HOXD3: variants seen among roughly 807,000 people sequenced by gnomAD.
HOXD3 encodes the protein homeobox D3.
HOXD3 carries 13 observed loss-of-function variants against 32.8 expected under a neutral mutation model. The observed-to-expected ratio is 0.40, with a 90% CI of 0.26 to 0.63. HOXD3 has a LOEUF of 0.63. Among genes scored for constraint, HOXD3 ranks in the 20% least tolerant of loss-of-function variants. The pLI, the probability that HOXD3 is intolerant of heterozygous loss-of-function variation, is 0.44. For synonymous variants in HOXD3, 241 were observed against 246.8 expected (o/e 0.98, Z 0.22); for missense variants, 504 against 577.1 (o/e 0.87, Z 1.30).
chr2:176,168,964 G>A (rs1691083373), intron 2 of HOXD3, 67 bp from the exon 3 acceptor site: 1 of 1,252,250 alleles, frequency 8.0e-7, no homozygotes, highest in Non-Finnish European at 1.1e-6. Context: ...GCATGGGCTA[G>A]TCCTTCTATA....
Position 176,172,062 on chromosome 2 carries a change from G to C in HOXD3, c.1087G>C (p.Val363Leu), listed in dbSNP as rs776700722. ...GSPVYVGGNF[V>L]ESMAPASGPV... is the part of the protein sequence containing the mutation. The stretch of plus-strand genomic sequence containing the variant: ...CCCGGTGTACGTGGGCGGCAACTTC[G>C]TCGAGTCCATGGCGCCCGCGTCCGG... Residue 363 changes from valine (V) to leucine (L), a missense_variant, in exon 4 of 4, where the codon GTC (valine) becomes CTC (leucine). By Grantham distance (32) the Val-to-Leu change is conservative. Around this residue, in one of 3 missense-constraint regions of HOXD3, gnomAD observed 226 missense variants for 246.9 expected, o/e 0.92. Coordinates refer to ENST00000683222, the MANE Select transcript of HOXD3 (RefSeq NM_006898.5). 2 of 1,609,926 alleles carry C rather than the reference G, an allele frequency of 1.2e-6. No individual in the cohort carries two copies. Among genetic ancestry groups the C allele is most frequent in the Non-Finnish European group, 1.7e-6 (2 of 1,179,296 alleles).
At chr2:176,153,202 C>T (rs533109082), upstream of HOXD3, 9 of 505,882 alleles carry the variant, frequency 1.8e-5, no homozygotes, top group South Asian at 1.6e-4. Flanking sequence ...AAAATCTTGG[C>T]GAGTCATTAA....
intron 2 of HOXD3, among the ~76,000 whole-genome samples, chr2:176,167,686 CTTTTTTTTTTTTTT>C (rs56761217): frequency 9.2e-6 from 1 of 108,910 alleles, no homozygotes; most frequent in Non-Finnish European, 1.8e-5. Context: ...GGGGGAGACC[CTTTTTTTTTTTTTT>C]TTTTTTTTTT....
At chr2:176,166,462 G>C (rs924688834) in intron 2 of HOXD3, among the ~76,000 whole-genome samples, 1 of 152,194 alleles carries the variant, frequency 6.6e-6, no homozygotes, top group Non-Finnish European at 1.5e-5. Context: ...GGCCTCCAGA[G>C]GGTTAAGACT....
At chr2:176,166,245 A>G (rs749300428) in intron 2 of HOXD3, among the ~76,000 whole-genome samples, 11 of 152,236 alleles carry the variant, frequency 7.2e-5, no homozygotes, top group Admixed American at 1.3e-4. Context: ...GGAATATGCC[A>G]TAGAAGCAAA....
upstream of HOXD3, among the ~76,000 whole-genome samples, chr2:176,157,218 G>A (rs1402936738): frequency 2.6e-5 from 4 of 152,184 alleles, no homozygotes; most frequent in African/African-American, 9.7e-5. Context: ...AATTTTCTAA[G>A]TGCGAGGAAG....
Position 176,172,420 on chromosome 2 carries a change from G to A in HOXD3, c.*146G>A, listed in dbSNP as rs1272873734. On this transcript the variant is annotated 3_prime_UTR_variant, in exon 4 of 4. Coordinates refer to ENST00000683222, the MANE Select transcript of HOXD3 (RefSeq NM_006898.5). ...TCCCGGGTCTCAGGCCTCCAGCGGC[G>A]GAGGCGCAGGCGACCGGGCCTCCCC... 2.6e-6 allele frequency: 2 copies of A among 758,404 alleles called. No homozygotes were observed. Among genetic ancestry groups the A allele is most frequent in the East Asian group, 2.8e-5 (1 of 35,706 alleles). The allele number at this position is 758,404 out of a possible 1,614,324, so 47.0% of individuals were successfully genotyped here. A position where few individuals can be genotyped will look rare whatever the true frequency, so the allele number is the denominator to read the frequency against.
At chr2:176,153,163 T>G (rs1430824380), upstream of HOXD3, 2 of 577,766 alleles carry the variant, frequency 3.5e-6, no homozygotes, top group Non-Finnish European at 6.2e-6. Context: ...TCTCTAAGTA[T>G]ATTATATGGC....
At chr2:176,154,121 T>C (rs1423816220), upstream of HOXD3, among the ~76,000 whole-genome samples, 1 of 152,186 alleles carries the variant, frequency 6.6e-6, no homozygotes, top group Non-Finnish European at 1.5e-5. Context: ...TTAGAGTTTT[T>C]TTCCCCCTGA....
At chr2:176,170,052 C>T (rs761764593) in intron 3 of HOXD3, among the ~76,000 whole-genome samples, 2 of 152,186 alleles carry the variant, frequency 1.3e-5, no homozygotes, top group Admixed American at 6.5e-5. Flanking sequence ...TTCCCTTAAA[C>T]TCATAAAAAC....
In HOXD3 at chr2:176,172,157, G is replaced by A. The variant is rs368978061; in HGVS notation, c.1182G>A (p.Gln394=). 6.2e-7 allele frequency: 1 copy of A among 1,613,136 alleles called. No homozygotes were observed. Among genetic ancestry groups the A allele is most frequent in the African/African-American group, 1.3e-5 (1 of 74,950 alleles). ...SASVDYSCAA[Q]IPGNHHHGPC... ...GCGTGGACTACAGTTGCGCCGCGCA[G>A]ATTCCAGGCAACCACCACCATGGAC... is the stretch of plus-strand genomic sequence containing the variant. Residue 394 remains glutamine (Q), a synonymous_variant, in exon 4 of 4, where the codon CAG becomes CAA. Coordinates refer to ENST00000683222, the MANE Select transcript of HOXD3 (RefSeq NM_006898.5).
Position 176,169,285 on chromosome 2 carries a change from C to T in HOXD3, c.171C>T (p.Ser57=). 6.2e-7 allele frequency: 1 copy of T among 1,614,110 alleles called. No homozygotes were observed. Among genetic ancestry groups the T allele is most frequent in the Non-Finnish European group, 8.5e-7 (1 of 1,180,010 alleles). The change falls in exon 3 of 4, where the codon AGC becomes AGT. Residue 57 remains serine (S), a synonymous_variant. Transcript: ENST00000683222. The part of the protein sequence containing the change: ...HQPYPPPAAA[S]SLDTDYPGSA... ...CCTACCCACCCCCTGCTGCTGCCAG[C>T]TCCCTGGACACTGACTATCCAGGTT...
upstream of HOXD3, chr2:176,152,664 C>G (rs951118096): frequency 9.9e-6 from 16 of 1,614,170 alleles, no homozygotes; most frequent in East Asian, 2.2e-5. The surrounding 1 kb of genome is among the most constrained non-coding windows in gnomAD (Gnocchi z 5.2). Context: ...CTACACCCGG[C>G]AGCAAGTCCT....
intron 1 of HOXD3, among the ~76,000 whole-genome samples, chr2:176,160,333 G>A (rs1690761156): frequency 2.0e-5 from 3 of 152,234 alleles, no homozygotes; most frequent in Admixed American, 2.0e-4. Flanking sequence ...CAGTCTGGCG[G>A]AAGGCCCAGC....
rs1691231303 is a variant in HOXD3, at chr2:176,172,485, G to C, written c.*211G>C. The C allele has an allele frequency of 1.7e-6, 1 of 575,046 alleles. No individual in the cohort carries two copies. Among genetic ancestry groups the C allele is most frequent in the African/African-American group, 1.9e-5 (1 of 53,252 alleles). 35.6% of individuals were successfully genotyped at this position (575,046 alleles called of 1,614,324 possible). A position where few individuals can be genotyped will look rare whatever the true frequency, so the allele number is the denominator to read the frequency against. ...TTGGGTGACTCGCCATAAATCAGCC[G>C]CAAGGATCCTTCCCTGTAAATTTGA... On this transcript the variant is annotated 3_prime_UTR_variant, in exon 4 of 4. Transcript: ENST00000683222.
intron 1 of HOXD3, among the ~76,000 whole-genome samples, chr2:176,160,499 C>G (rs990334272): frequency 3.9e-5 from 6 of 152,234 alleles, no homozygotes; most frequent in Non-Finnish European, 8.8e-5. Context: ...GCCCAGGTCC[C>G]AAGCCTCCTG....
At chr2:176,158,512 T>A (rs887828446) in intron 1 of HOXD3, among the ~76,000 whole-genome samples, 1 of 152,156 alleles carries the variant, frequency 6.6e-6, no homozygotes, top group African/African-American at 2.4e-5. Context: ...GATACCTCCA[T>A]TGGCTTTCAG....
chr2:176,155,099 G>A (rs912796141), upstream of HOXD3, among the ~76,000 whole-genome samples: 1 of 152,142 alleles, frequency 6.6e-6, no homozygotes. Flanking sequence ...AACATGGAGA[G>A]CAGTCTTTGG....
In HOXD3 at chr2:176,171,745, G is replaced by A; in HGVS notation, c.770G>A (p.Gly257Asp). The A allele has an allele frequency of 2.5e-6, 4 of 1,614,102 alleles. No individual in the cohort carries two copies. Among genetic ancestry groups the A allele is most frequent in the Non-Finnish European group, 3.4e-6 (4 of 1,180,048 alleles). ...MKYKKDQKAKGILHSPASQSP... is the reference protein window; with the variant it reads ...MKYKKDQKAKDILHSPASQSP... The stretch of plus-strand genomic sequence containing the variant: ...TACAAGAAGGACCAGAAGGCCAAGG[G>A]CATCCTGCACTCGCCGGCTAGCCAG... The change falls in exon 4 of 4, where the codon GGC becomes GAC. Residue 257 changes from glycine to aspartate, a missense_variant. Around this residue, in one of 3 missense-constraint regions of HOXD3, gnomAD observed 97 missense variants for 158.0 expected, o/e 0.61. Transcript: ENST00000683222.
Sources: allele counts gnomAD v4.1 joint callset (sites outside exome capture counted in the v4.1 genomes callset), GRCh38; gene constraint gnomAD v4.1.1; regional missense constraint gnomAD v4.1.1; non-coding constraint Gnocchi (gnomAD v3.1); transcripts MANE v1.5; gene names NCBI Gene and HGNC (gene_info 2026-07-23, HGNC 2026-07-21).